Variants in GADL1 observed in about 807,000 individuals in gnomAD.
GADL1 encodes acidic amino acid decarboxylase GADL1.
In GADL1, 71 loss-of-function variants were observed where a neutral mutation model predicts 69.5. That is an observed-to-expected ratio of 1.02 (90% CI 0.84 to 1.25). The LOEUF is 1.25. Among genes scored for constraint, GADL1 ranks in the 50% most tolerant of loss-of-function variants. The pLI, the probability that GADL1 is intolerant of heterozygous loss-of-function variation, is 0.00. For synonymous variants in GADL1, 254 were observed against 214.4 expected (o/e 1.18, Z -1.62); for missense variants, 737 against 631.8 (o/e 1.17, Z -1.79).
At chr3:30,790,076 T>C (rs949185283) in intron 12 of GADL1, among the ~76,000 whole-genome samples, 1 of 152,250 alleles carries the variant, frequency 6.6e-6, no homozygotes, top group Non-Finnish European at 1.5e-5. Flanking sequence ...TGGCATGCCA[T>C]CCTCACTAAG....
chr3:30,730,773 C>T (rs1165428855), intron 14 of GADL1, among the ~76,000 whole-genome samples: 1 of 152,090 alleles, frequency 6.6e-6, no homozygotes, highest in Non-Finnish European at 1.5e-5. Context: ...GAATTATTTG[C>T]TTTACCTGAC....
chr3:30,731,130 T>C lies in GADL1; in HGVS notation c.1393-2715A>G, dbSNP rs1212132209. Among the ~76,000 whole-genome samples the C allele has an allele frequency of 2.0e-4, 30 of 152,164 alleles. 1 individual carries two copies. The highest frequency in any genetic ancestry group is 1.9e-3 in the Admixed American group (29 of 15,266). ...AGACCTGGTTTACATGGACCAAATGTCTAGCTAGAAGGGCCACAGACTATC... is the reference window on the plus strand; with the variant it reads ...AGACCTGGTTTACATGGACCAAATGCCTAGCTAGAAGGGCCACAGACTATC... On this transcript the variant is annotated intron_variant, in intron 14 of 14. Coordinates refer to ENST00000282538, the MANE Select transcript of GADL1 (RefSeq NM_207359.3).
chr3:30,867,439 T>TATAC (rs1319135425), intron 1 of GADL1, among the ~76,000 whole-genome samples: 1 of 138,838 alleles, frequency 7.2e-6, no homozygotes, highest in Non-Finnish European at 1.5e-5. Context: ...TATATATATA[T>TATAC]ACACATATAT....
chr3:30,756,509 C>CTATTCCTCAT (rs1438313525), intron 14 of GADL1, among the ~76,000 whole-genome samples: 1 of 152,192 alleles, frequency 6.6e-6, no homozygotes, highest in Admixed American at 6.5e-5. Context: ...CAGGTGAAGT[C>CTATTCCTCAT]TATTCCTCAT....
At chr3:30,819,998 G>GT (rs1226709379) in intron 11 of GADL1, among the ~76,000 whole-genome samples, 6 of 152,020 alleles carry the variant, frequency 3.9e-5, no homozygotes, top group Non-Finnish European at 8.8e-5. Flanking sequence ...ACTGATGCCT[G>GT]TTATTGAAAT....
At chr3:30,728,913 A>G (rs939808207) in intron 14 of GADL1, among the ~76,000 whole-genome samples, 49 of 152,158 alleles carry the variant, frequency 3.2e-4, no homozygotes, top group African/African-American at 1.2e-3. Flanking sequence ...TTGTCTACCA[A>G]GAAAAAACAA....
Position 30,861,593 on chromosome 3 carries a change from C to A in GADL1, c.210G>T (p.Lys70Asn), listed in dbSNP as rs1020519920. 1 of 1,539,678 alleles carries A rather than the reference C, an allele frequency of 6.5e-7. No individual in the cohort carries two copies. The highest frequency in any genetic ancestry group is 8.8e-7 in the Non-Finnish European group (1 of 1,142,004). The change falls in exon 2 of 15, where the codon AAG (lysine) becomes AAT (asparagine). Residue 70 changes from lysine (K) to asparagine (N), a missense_variant and splice_region_variant. Transcript: ENST00000282538. ...VVLKATDVNE[K>N]VCEWRPPEQL... ...ATTTCTTACAGGTTTTAATTTTTACCTTCTCATTGACATCTGTAGCTTTCA... is the reference window on the plus strand; with the variant it reads ...ATTTCTTACAGGTTTTAATTTTTACATTCTCATTGACATCTGTAGCTTTCA...
intron 12 of GADL1, chr3:30,800,423 G>A (rs1697135282): frequency 6.1e-6 from 1 of 164,526 alleles, no homozygotes; most frequent in Non-Finnish European, 1.3e-5. Flanking sequence ...CACAACACCT[G>A]GGAATTACGG....
intron 12 of GADL1, among the ~76,000 whole-genome samples, chr3:30,788,044 G>A (rs1696833955): frequency 6.6e-6 from 1 of 152,094 alleles, no homozygotes; most frequent in African/African-American, 2.4e-5. Context: ...GCATACACAT[G>A]GGCACGTATG....
chr3:30,871,864 A>G (rs1325241743), intron 1 of GADL1, among the ~76,000 whole-genome samples: 1 of 150,570 alleles, frequency 6.6e-6, no homozygotes, highest in Non-Finnish European at 1.5e-5. Context: ...AATAGCCAAT[A>G]AATACATAGT....
chr3:30,784,055 A>C (rs1288431424), intron 13 of GADL1, among the ~76,000 whole-genome samples: 2 of 152,312 alleles, frequency 1.3e-5, no homozygotes, highest in African/African-American at 4.8e-5. Context: ...AACCCGAGAA[A>C]ATATAAAGTG....
chr3:30,791,873 T>C (rs747282385), intron 12 of GADL1, among the ~76,000 whole-genome samples: 1 of 152,152 alleles, frequency 6.6e-6, no homozygotes, highest in South Asian at 2.1e-4. Flanking sequence ...GATGGTTTAA[T>C]AAAGGGCAGT....
chr3:30,784,535 TCTAGTCTGATGCTTC>T (rs1325732241), intron 13 of GADL1, among the ~76,000 whole-genome samples: 1 of 152,240 alleles, frequency 6.6e-6, no homozygotes, highest in Non-Finnish European at 1.5e-5. Context: ...CTTAGAACTT[TCTAGTCTGATGCTTC>T]CTTTGTAGAT....
chr3:30,792,759 G>A (rs370926104), intron 12 of GADL1, among the ~76,000 whole-genome samples: 69 of 152,216 alleles, frequency 4.5e-4, no homozygotes, highest in African/African-American at 1.5e-3. Context: ...AGCAGTGTCC[G>A]AAGAGCAGAG....
At chr3:30,730,727 A>T (rs1559481714) in intron 14 of GADL1, among the ~76,000 whole-genome samples, 1 of 152,180 alleles carries the variant, frequency 6.6e-6, no homozygotes, top group Non-Finnish European at 1.5e-5. Flanking sequence ...TAAATGGGAA[A>T]ATGCTCACAT....
In GADL1 at chr3:30,778,183, T is replaced by A. The variant is rs200406971; in HGVS notation, c.1388A>T (p.Asn463Ile). Reference protein sequence around the residue: ...EEGPEFWAKLNLVAPAIKERM... With the variant: ...EEGPEFWAKLILVAPAIKERM... The stretch of plus-strand genomic sequence containing the variant: ...TACCATTTACTTATTACTTACCAAA[T>A]TAAGTTTTGCCCAGAACTCGGGTCC... The change falls in exon 14 of 15, where the codon AAT becomes ATT. Residue 463 changes from asparagine (N) to isoleucine (I), a missense_variant. Physicochemically the swap from Asn to Ile is moderately radical, Grantham distance 149 (BLOSUM62 -3). Coordinates refer to ENST00000282538, the MANE Select transcript of GADL1 (RefSeq NM_207359.3). 1.9e-6 allele frequency: 3 copies of A among 1,582,734 alleles called. No individual in the cohort carries two copies. The African/African-American group carries it at 4.0e-5, about 21-fold the overall frequency.
chr3:30,761,788 T>TC (rs1190051932), intron 14 of GADL1, among the ~76,000 whole-genome samples: 1 of 152,146 alleles, frequency 6.6e-6, no homozygotes, highest in Non-Finnish European at 1.5e-5. Flanking sequence ...CACTAGAGCA[T>TC]CCCCTCCACC....
chr3:30,838,943 AAGGCTACAAAAAGACCAAAGGTTAAAC>A, intron 9 of GADL1, 27 bp downstream of exon 9: 1 of 1,088,552 alleles, frequency 9.2e-7, no homozygotes, highest in East Asian at 2.7e-5. Flanking sequence ...AATTTCTACC[AAGGCTACAAAAAGACCAAAGGTTAAAC>A]AGGTATGTAC....
chr3:30,754,663 C>T (rs1238843576), intron 14 of GADL1, among the ~76,000 whole-genome samples: 2 of 152,024 alleles, frequency 1.3e-5, no homozygotes, highest in Admixed American at 1.3e-4. Context: ...AATTATACTG[C>T]AGACATAAAA....
Sources: allele counts gnomAD v4.1 joint callset (sites outside exome capture counted in the v4.1 genomes callset), GRCh38; gene constraint gnomAD v4.1.1; transcripts MANE v1.5; gene names NCBI Gene and HGNC (gene_info 2026-07-23, HGNC 2026-07-21).